Variants in ACOT7 observed in about 807,000 individuals in gnomAD.
ACOT7 encodes the protein acyl-CoA thioesterase 7, also known as cytosolic acyl coenzyme A thioester hydrolase.
In ACOT7, 12 loss-of-function variants were observed where a neutral mutation model predicts 40.2. The observed-to-expected ratio is 0.30, with a 90% confidence interval of 0.19 to 0.48. The LOEUF is 0.48. Among genes scored for constraint, ACOT7 ranks in the 20% least tolerant of loss-of-function variants. The pLI is 0.99. For missense variants in ACOT7, 395 were observed against 530.8 expected (o/e 0.74, Z 2.51); for synonymous variants, 228 against 219.5 (o/e 1.04, Z -0.34).
intron 6 of ACOT7, 46 bp downstream of exon 6, chr1:6,318,446 T>A: frequency 6.3e-7 from 1 of 1,584,294 alleles, no homozygotes; most frequent in Non-Finnish European, 8.6e-7. Flanking sequence ...GAAGCAACAA[T>A]GAGCCAAGGG....
At chr1:6,349,919 A>G (rs17029376) in intron 1 of ACOT7, 53 bp from the exon 2 acceptor site, 60,238 of 1,557,376 alleles carry the variant, frequency 0.039, 1,361 homozygotes, top group African/African-American at 0.082. Context: ...CCATTTGTGC[A>G]ACAGTGACAA....
In ACOT7 at chr1:6,278,877, C is replaced by T. The variant is rs562693139; in HGVS notation, c.1014+2225G>A. On this transcript the variant is annotated intron_variant, in intron 8 of 8. Transcript: ENST00000361521. The surrounding 1 kb of genome is among the most constrained non-coding windows in gnomAD (Gnocchi z 4.1). ...GACAGGGAGCGGACAGCAGACAGGG[C>T]GTGTCCTTGCGTCTGTCCATGCTGC... is the stretch of plus-strand genomic sequence containing the variant. 4.6e-5 allele frequency among the ~76,000 whole-genome samples: 7 copies of T among 152,212 alleles called. No individual in the cohort carries two copies. The highest frequency in any genetic ancestry group is 4.2e-4 in the South Asian group (2 of 4,812).
chr1:6,367,092 G>A lies in ACOT7; in HGVS notation c.144-17226C>T, dbSNP rs148880136. Among the ~76,000 whole-genome samples the A allele has an allele frequency of 2.2e-3, 339 of 151,804 alleles. 10 individuals carry two copies. The East Asian group carries it at 0.057, about 25-fold the overall frequency. ...CAGGCACCTGTAGTCCCAGCTACTC[G>A]GGAGGCTGAGGCAAGAGAATTGCGT... On this transcript the variant is annotated intron_variant, in intron 1 of 8. Coordinates refer to ENST00000361521, the MANE Select transcript of ACOT7 (RefSeq NM_007274.4).
intron 5 of ACOT7, among the ~76,000 whole-genome samples, chr1:6,324,482 C>T (rs182286519): frequency 7.2e-5 from 11 of 152,208 alleles, no homozygotes; most frequent in Admixed American, 7.2e-4. Context: ...GAGAATCCCA[C>T]GAGTAAAGGA....
chr1:6,329,898 C>A (rs971592814), intron 4 of ACOT7, among the ~76,000 whole-genome samples: 3 of 152,186 alleles, frequency 2.0e-5, no homozygotes, highest in African/African-American at 7.2e-5. Flanking sequence ...GCCCCTCGGG[C>A]CCATCACAGG....
At chr1:6,389,991 G>A (rs1642507362) in intron 1 of ACOT7, among the ~76,000 whole-genome samples, 1 of 152,116 alleles carries the variant, frequency 6.6e-6, no homozygotes, top group African/African-American at 2.4e-5. Flanking sequence ...AAATTCATGG[G>A]CTTGGCTGTG....
intron 6 of ACOT7, among the ~76,000 whole-genome samples, chr1:6,300,238 C>T (rs1205805006): frequency 6.6e-6 from 1 of 152,140 alleles, no homozygotes; most frequent in African/African-American, 2.4e-5. Flanking sequence ...GACACCAAAG[C>T]CTAGCATCAG....
chr1:6,340,640 T>C (rs1429318899), intron 2 of ACOT7, among the ~76,000 whole-genome samples: 1 of 152,202 alleles, frequency 6.6e-6, no homozygotes, highest in Admixed American at 6.5e-5. Context: ...TAGTCTAATA[T>C]AGCTGTGCAA....
In ACOT7 at chr1:6,340,502, G is replaced by A. The variant is rs1369085697; in HGVS notation, c.262-913C>T. Reference sequence around the variant, plus strand: ...ACAGAAAAGTAGAAAGAAGGGGAACGTCACTCCTCCCATTCAAAGATAACC... The same window carrying A: ...ACAGAAAAGTAGAAAGAAGGGGAACATCACTCCTCCCATTCAAAGATAACC... On this transcript the variant is annotated intron_variant, in intron 2 of 8. Transcript: ENST00000361521. Among the ~76,000 whole-genome samples the A allele has an allele frequency of 3.9e-5, 6 of 152,314 alleles. No homozygotes were observed. In the East Asian group the frequency reaches 9.6e-4, roughly 24 times the overall value.
rs756865451 is a variant in ACOT7 at position 6,393,391 on chromosome 1, C to A, written c.9G>T (p.Arg3=). ...CCGGCGCGGAATGAATGAGCCCGGG[C>A]CGCGCCATAAAGGGGGAGGGCAGAG... MA[R]PGLIHSAPGL... The change falls in exon 1 of 9, where the codon CGG becomes CGT. Residue 3 remains arginine, a synonymous_variant. Transcript: ENST00000361521. 28 of 1,230,302 alleles carry A rather than the reference C, an allele frequency of 2.3e-5. No individual in the cohort carries two copies. Among genetic ancestry groups the A allele is most frequent in the Non-Finnish European group, 1.3e-5 (13 of 983,312 alleles). The allele number at this position is 1,230,302 out of a possible 1,614,324, so 76.2% of individuals were successfully genotyped here. A position where few individuals can be genotyped will look rare whatever the true frequency, so the allele number is the denominator to read the frequency against.
At chr1:6,349,226 C>T (rs1641518973) in intron 2 of ACOT7, among the ~76,000 whole-genome samples, 1 of 152,206 alleles carries the variant, frequency 6.6e-6, no homozygotes, top group Admixed American at 6.5e-5. Flanking sequence ...AATTTTGGGG[C>T]AGGTGGAGAG....
At chr1:6,340,577 G>A (rs750818125) in intron 2 of ACOT7, among the ~76,000 whole-genome samples, 32 of 152,090 alleles carry the variant, frequency 2.1e-4, no homozygotes, top group African/African-American at 6.3e-4. Context: ...CCCAAGAATC[G>A]GGGTGGGTTT....
At chr1:6,271,733 T>C (rs1325711486) in intron 8 of ACOT7, among the ~76,000 whole-genome samples, 2 of 152,164 alleles carry the variant, frequency 1.3e-5, no homozygotes, top group Non-Finnish European at 2.9e-5. Flanking sequence ...CAGCCGGAAG[T>C]CTCAAATAAT....
chr1:6,360,476 G>T, intron 1 of ACOT7: 2 of 1,517,332 alleles, frequency 1.3e-6, no homozygotes, highest in Non-Finnish European at 1.8e-6. Context: ...AAGCCACAGC[G>T]TCTCCCACCC....
intron 2 of ACOT7, among the ~76,000 whole-genome samples, chr1:6,342,046 A>AG (rs1269854903): frequency 6.6e-6 from 1 of 152,230 alleles, no homozygotes; most frequent in Admixed American, 6.5e-5. Context: ...TTGGGCTGCC[A>AG]GAACAAAATG....
intron 1 of ACOT7, among the ~76,000 whole-genome samples, chr1:6,389,681 G>A (rs916408931): frequency 1.3e-5 from 2 of 151,790 alleles, no homozygotes; most frequent in African/African-American, 4.8e-5. Context: ...CTACTCAGGA[G>A]GCTGAGGCAG....
At chr1:6,369,586 C>CTT (rs200546207) in intron 1 of ACOT7, among the ~76,000 whole-genome samples, 1 of 146,130 alleles carries the variant, frequency 6.8e-6, no homozygotes, top group East Asian at 2.0e-4. Context: ...TCTTTTTTTT[C>CTT]TTTTTTTTTG....
At chr1:6,320,421 T>C (rs1295989163) in intron 5 of ACOT7, among the ~76,000 whole-genome samples, 1 of 152,188 alleles carries the variant, frequency 6.6e-6, no homozygotes, top group Admixed American at 6.5e-5. Flanking sequence ...GTGAGGTTGA[T>C]TTCCTGCTAG....
intron 7 of ACOT7, among the ~76,000 whole-genome samples, chr1:6,284,812 C>T (rs891652194): frequency 3.9e-5 from 6 of 152,102 alleles, no homozygotes; most frequent in Admixed American, 1.3e-4. Context: ...CTGCTTTCCA[C>T]ACCCCACCAG....
Sources: gnomAD v4.1 joint callset for allele counts (sites outside exome capture counted in the v4.1 genomes callset) on GRCh38, gnomAD v4.1.1 for gene constraint, Gnocchi (gnomAD v3.1) non-coding constraint, MANE v1.5 for transcripts, NCBI Gene and HGNC (gene_info 2026-07-23, HGNC 2026-07-21) for gene names.